The following NPAS3 variants were observed in gnomAD, a reference collection of about 807,000 sequenced individuals.
NPAS3 encodes the protein neuronal PAS domain-containing protein 3.
A neutral mutation model predicts 73.1 loss-of-function variants in NPAS3; 14 were observed. The ratio of observed to expected loss-of-function variants is 0.19; its 90% CI spans 0.13 to 0.30. NPAS3 has a LOEUF of 0.30. Ranked by LOEUF, NPAS3 falls within the 10% of genes least tolerant of loss-of-function variation. The probability of loss-of-function intolerance (pLI) is 1.00; values close to 1 mark genes in which losing one functional copy is unlikely to be tolerated. For missense variants in NPAS3, 1,096 were observed against 1,250.0 expected (o/e 0.88, Z 1.86); for synonymous variants, 620 against 541.5 (o/e 1.14, Z -2.01).
At chr14:33,234,717 G>C (rs985298359) in intron 3 of NPAS3, among the ~76,000 whole-genome samples, 1 of 151,952 alleles carries the variant, frequency 6.6e-6, no homozygotes, top group African/African-American at 2.4e-5. Flanking sequence ...TAATTTTTTT[G>C]TTTTGGGTTT....
intron 3 of NPAS3, among the ~76,000 whole-genome samples, chr14:33,314,301 T>C (rs79470789): frequency 0.034 from 5,107 of 152,136 alleles, 280 homozygotes; most frequent in East Asian, 0.2. Flanking sequence ...TTTTCCACCG[T>C]AGAAATAACA....
In NPAS3 at chr14:33,053,215, A is replaced by G. The variant is rs1011881550; in HGVS notation, c.51-2690A>G. ...TATTTGACCAGATGGTGGAAAATCC[A>G]TTCTCATGATAAGTTGCTTCTAGTT... On this transcript the variant is annotated intron_variant, in intron 1 of 11. Coordinates refer to ENST00000356141, the Ensembl canonical transcript of NPAS3. 2.6e-5 allele frequency among the ~76,000 whole-genome samples: 4 copies of G among 152,178 alleles called. No individual in the cohort carries two copies. In the East Asian group the frequency reaches 5.8e-4, roughly 22 times the overall value.
At chr14:32,955,384 A>C (rs1275089256) in intron 1 of NPAS3, among the ~76,000 whole-genome samples, 1 of 152,142 alleles carries the variant, frequency 6.6e-6, no homozygotes, top group Non-Finnish European at 1.5e-5. Context: ...TAACTTACAT[A>C]AACGTCAGTC....
chr14:33,791,086 G>A (rs557595569), intron 9 of NPAS3, among the ~76,000 whole-genome samples: 62 of 152,316 alleles, frequency 4.1e-4, no homozygotes, highest in African/African-American at 1.5e-3. Context: ...ATCCCTAGGA[G>A]AGACCAAGTG....
intron 1 of NPAS3, among the ~76,000 whole-genome samples, chr14:33,011,020 T>C: frequency 6.6e-6 from 1 of 152,224 alleles, no homozygotes; most frequent in East Asian, 1.9e-4. Context: ...ATAATTATTT[T>C]TGAAACTTTT....
At chr14:33,784,729 A>ATTT (rs1342325354) in intron 9 of NPAS3, among the ~76,000 whole-genome samples, 11 of 90,180 alleles carry the variant, frequency 1.2e-4, no homozygotes, top group African/African-American at 4.5e-4. Flanking sequence ...ATTTTTATTT[A>ATTT]TTTATTTATT....
intron 4 of NPAS3, among the ~76,000 whole-genome samples, chr14:33,371,709 AAG>A (rs1366676793): frequency 6.6e-6 from 1 of 152,190 alleles, no homozygotes; most frequent in Non-Finnish European, 1.5e-5. Context: ...TGTAAACGCA[AAG>A]AGAAGATAAA....
intron 1 of NPAS3, among the ~76,000 whole-genome samples, chr14:32,965,688 T>C (rs2037123207): frequency 2.0e-5 from 3 of 152,290 alleles, no homozygotes; most frequent in African/African-American, 7.2e-5. Flanking sequence ...CTATTTGACA[T>C]GGTACTGAAA....
At chr14:33,293,231 G>A (rs901618296) in intron 3 of NPAS3, among the ~76,000 whole-genome samples, 3 of 152,054 alleles carry the variant, frequency 2.0e-5, no homozygotes, top group East Asian at 1.9e-4. Flanking sequence ...AACTGGAGTC[G>A]AATTGACTAG....
At chr14:33,438,028 G>A (rs935584378) in intron 4 of NPAS3, among the ~76,000 whole-genome samples, 1 of 152,158 alleles carries the variant, frequency 6.6e-6, no homozygotes, top group African/African-American at 2.4e-5. Context: ...AAGATAGAAG[G>A]CATTGAAGTG....
At chr14:33,782,101 A>C (rs941031215) in intron 9 of NPAS3, among the ~76,000 whole-genome samples, 1 of 152,230 alleles carries the variant, frequency 6.6e-6, no homozygotes, top group African/African-American at 2.4e-5. Flanking sequence ...CCCTTCTTTC[A>C]CACTGTGACC....
At chr14:33,276,806 G>T (rs1005843641) in intron 3 of NPAS3, among the ~76,000 whole-genome samples, 1 of 152,058 alleles carries the variant, frequency 6.6e-6, no homozygotes, top group African/African-American at 2.4e-5. Context: ...TATGACAGCA[G>T]AATGTCTGTA....
chr14:33,295,849 C>A (rs967523340), intron 3 of NPAS3, among the ~76,000 whole-genome samples: 24 of 152,150 alleles, frequency 1.6e-4, no homozygotes, highest in Admixed American at 1.2e-3. Context: ...TTATAAGAAG[C>A]AGACAGTCAG....
At chr14:33,282,719 G>A (rs1409976289) in intron 3 of NPAS3, among the ~76,000 whole-genome samples, 5 of 152,132 alleles carry the variant, frequency 3.3e-5, no homozygotes, top group African/African-American at 4.8e-5. Context: ...CTGCTAGCCT[G>A]GAGCGGGACT....
At chr14:32,989,227 T>G (rs1373515140) in intron 1 of NPAS3, among the ~76,000 whole-genome samples, 1 of 152,028 alleles carries the variant, frequency 6.6e-6, no homozygotes, top group Non-Finnish European at 1.5e-5. Context: ...GTAGATAAAG[T>G]GGAGAAGGAC....
At chr14:33,267,077 A>G (rs2040852307) in intron 3 of NPAS3, among the ~76,000 whole-genome samples, 1 of 152,156 alleles carries the variant, frequency 6.6e-6, no homozygotes, top group African/African-American at 2.4e-5. Flanking sequence ...GAAATCTGCT[A>G]TTGTATATTG....
intron 1 of NPAS3, among the ~76,000 whole-genome samples, chr14:33,043,296 AAACG>A (rs2040404278): frequency 6.6e-6 from 1 of 151,492 alleles, no homozygotes; most frequent in African/African-American, 2.4e-5. Context: ...ATGCTATACT[AAACG>A]ATAATTCAGT....
At chr14:33,647,699 G>T (rs991196507) in intron 5 of NPAS3, among the ~76,000 whole-genome samples, 2 of 152,096 alleles carry the variant, frequency 1.3e-5, no homozygotes, top group African/African-American at 4.8e-5. Context: ...GTAGTAGCCA[G>T]ATTTGAAGCA....
intron 4 of NPAS3, among the ~76,000 whole-genome samples, chr14:33,438,253 G>A (rs2049078531): frequency 6.6e-6 from 1 of 152,294 alleles, no homozygotes; most frequent in Admixed American, 6.5e-5. Context: ...GCATTGCAGT[G>A]AGACAGATCA....
Sources: gnomAD v4.1 joint callset for allele counts (sites outside exome capture counted in the v4.1 genomes callset) on GRCh38, gnomAD v4.1.1 for gene constraint, MANE v1.5 for transcripts, NCBI Gene and HGNC (gene_info 2026-07-23, HGNC 2026-07-21) for gene names.